The following GABRB2 variants were observed in gnomAD, a reference collection of about 807,000 sequenced individuals.
GABRB2 encodes gamma-aminobutyric acid type A receptor subunit beta2, also known as gamma-aminobutyric acid receptor subunit beta-2.
Under a neutral mutation model 54.7 loss-of-function variants are expected in GABRB2, and 16 were observed. The ratio of observed to expected loss-of-function variants is 0.29; its 90% CI spans 0.20 to 0.44. GABRB2 has a LOEUF of 0.44. Among genes scored for constraint, GABRB2 ranks in the 20% least tolerant of loss-of-function variants. GABRB2 has a pLI of 1.00. For synonymous variants in GABRB2, 244 were observed against 233.8 expected (o/e 1.04, Z -0.40); for missense variants, 355 against 644.0 (o/e 0.55, Z 4.86).
rs144053366 is a variant in GABRB2, at chr5:161,459,797, C to T, written c.285G>A (p.Arg95=). 19 of 1,613,702 alleles carry T rather than the reference C, an allele frequency of 1.2e-5. No homozygotes were observed. In the African/African-American group the frequency reaches 2.0e-4, roughly 17 times the overall value. The change falls in exon 4 of 10, where the codon AGG becomes AGA. Residue 95 remains arginine (R), a synonymous_variant. Coordinates refer to ENST00000393959, the MANE Select transcript of GABRB2 (RefSeq NM_001371727.1). ...MYFQQAWRDK[R]LSYNVIPLNL... is the part of the protein sequence containing the mutation. ...TTAAAGGTATTACATTATAGGACAG[C>T]CTCTTATCTCTCCAGGCTTGTTGAA...
At chr5:161,336,552 C>A (rs1419842450) in intron 6 of GABRB2, 80 bp downstream of exon 6, 4 of 1,488,742 alleles carry the variant, frequency 2.7e-6, no homozygotes, top group Admixed American at 1.9e-5. Flanking sequence ...TTCCCTGGGA[C>A]AGAACTCTAA....
intron 5 of GABRB2, among the ~76,000 whole-genome samples, chr5:161,350,696 G>T (rs1053862736): frequency 2.6e-5 from 4 of 152,052 alleles, no homozygotes; most frequent in African/African-American, 9.7e-5. Flanking sequence ...CTCAATCTGG[G>T]TGGGCACCAT....
At chr5:161,318,362 A>G (rs766808750) in intron 9 of GABRB2, among the ~76,000 whole-genome samples, 9 of 152,010 alleles carry the variant, frequency 5.9e-5, no homozygotes, top group Non-Finnish European at 1.3e-4. Context: ...TATTTTTAGA[A>G]AAATATTTCA....
intron 3 of GABRB2, among the ~76,000 whole-genome samples, chr5:161,471,784 A>C (rs913775735): frequency 2.0e-5 from 3 of 151,990 alleles, no homozygotes; most frequent in Non-Finnish European, 4.4e-5. Context: ...TTAAAAGTGT[A>C]CTTTGTGTAT....
chr5:161,534,712 T>A (rs2113462375), intron 3 of GABRB2, among the ~76,000 whole-genome samples: 1 of 152,258 alleles, frequency 6.6e-6, no homozygotes, highest in South Asian at 2.1e-4. Flanking sequence ...ATAGATGAAT[T>A]AAGTATTCTA....
chr5:161,352,906 C>T (rs1754516857), intron 5 of GABRB2, among the ~76,000 whole-genome samples: 1 of 151,932 alleles, frequency 6.6e-6, no homozygotes, highest in Admixed American at 6.6e-5. Context: ...GTAGAACAAA[C>T]ACAATTTTTG....
intron 5 of GABRB2, among the ~76,000 whole-genome samples, chr5:161,367,759 T>A (rs1245003019): frequency 1.3e-5 from 2 of 152,186 alleles, no homozygotes; most frequent in Non-Finnish European, 2.9e-5. Context: ...TACCACATGT[T>A]CCAAAGTTCA....
chr5:161,498,938 C>T (rs180805974), intron 3 of GABRB2, among the ~76,000 whole-genome samples: 15 of 152,318 alleles, frequency 9.8e-5, no homozygotes, highest in Non-Finnish European at 1.6e-4. Context: ...TAAACCGTCA[C>T]AGCTACGCTT....
chr5:161,468,155 T>C (rs147961243), intron 3 of GABRB2, among the ~76,000 whole-genome samples: 12 of 152,206 alleles, frequency 7.9e-5, no homozygotes, highest in Admixed American at 1.3e-4. Context: ...GGCTAACCCT[T>C]GCTCCTACAG....
chr5:161,517,889 C>T (rs770308486), intron 3 of GABRB2, among the ~76,000 whole-genome samples: 8 of 152,062 alleles, frequency 5.3e-5, no homozygotes, highest in Middle Eastern at 6.8e-3. Flanking sequence ...CTCTGCCTCC[C>T]GGGTTCACAC....
chr5:161,419,886 C>G (rs1278473100), intron 4 of GABRB2, among the ~76,000 whole-genome samples: 2 of 151,960 alleles, frequency 1.3e-5, no homozygotes, highest in Non-Finnish European at 2.9e-5. Context: ...GTAATGGGTA[C>G]CCTAGAAGCC....
chr5:161,530,429 A>C (rs756947461), intron 3 of GABRB2, among the ~76,000 whole-genome samples: 12 of 152,140 alleles, frequency 7.9e-5, no homozygotes, highest in Admixed American at 3.9e-4. Flanking sequence ...GGCCCATTAA[A>C]TAGACAGGAA....
rs889047940 is a variant in GABRB2, at chr5:161,330,795, C to T, written c.1077+88G>A. Reference sequence around the variant, plus strand: ...CATTCTCTTCCCTGGGCTTGGTTTCCTCATTTGCTCAACAAGGTCATCAAC... The same window carrying T: ...CATTCTCTTCCCTGGGCTTGGTTTCTTCATTTGCTCAACAAGGTCATCAAC... On this transcript the variant is annotated intron_variant, in intron 8 of 9. Coordinates refer to ENST00000393959, the MANE Select transcript of GABRB2 (RefSeq NM_001371727.1). 3.2e-6 allele frequency: 5 copies of T among 1,559,694 alleles called. No homozygotes were observed. The African/African-American group carries it at 5.5e-5, about 17-fold the overall frequency.
At chr5:161,539,736 C>T (rs1652556600) in intron 3 of GABRB2, among the ~76,000 whole-genome samples, 1 of 152,136 alleles carries the variant, frequency 6.6e-6, no homozygotes, top group African/African-American at 2.4e-5. Context: ...ATACTGCTGG[C>T]TCAGTTCCAG....
chr5:161,375,266 G>A (rs1452872340), intron 5 of GABRB2, among the ~76,000 whole-genome samples: 1 of 152,162 alleles, frequency 6.6e-6, no homozygotes. Flanking sequence ...CAAAGAATTG[G>A]CCAGGGGACT....
intron 9 of GABRB2, among the ~76,000 whole-genome samples, chr5:161,295,957 A>G (rs1301965952): frequency 5.3e-5 from 8 of 152,214 alleles, no homozygotes; most frequent in African/African-American, 1.9e-4. Context: ...GGCTTTAATG[A>G]GGGCTTCCTT....
chr5:161,327,095 G>T, intron 8 of GABRB2: 1 of 427,326 alleles, frequency 2.3e-6, no homozygotes, highest in Non-Finnish European at 3.1e-6. Context: ...GAATGCAAGG[G>T]AAAATAGGAA....
chr5:161,291,784 A>C lies in GABRB2; in HGVS notation c.*2297T>G, dbSNP rs1477204304. 6.6e-6 allele frequency: 1 copy of C among 152,510 alleles called. No homozygotes were observed. The highest frequency in any genetic ancestry group is 1.5e-5 in the Non-Finnish European group (1 of 68,000). 9.4% of individuals were successfully genotyped at this position (152,510 alleles called of 1,614,324 possible). On this transcript the variant is annotated 3_prime_UTR_variant, in exon 10 of 10. Transcript: ENST00000393959. ...ATTGCACATAAGAGCCCACTTCTAC[A>C]CTTGGGCTCTGAGTTGACTCTAGAA...
chr5:161,363,210 G>T (rs1258743086), intron 5 of GABRB2, among the ~76,000 whole-genome samples: 2 of 152,172 alleles, frequency 1.3e-5, no homozygotes, highest in Non-Finnish European at 2.9e-5. Flanking sequence ...AAAAAAGGAT[G>T]AGTTCATGTC....
Sources: gnomAD v4.1 joint callset for allele counts (sites outside exome capture counted in the v4.1 genomes callset) on GRCh38, gnomAD v4.1.1 for gene constraint, MANE v1.5 for transcripts, NCBI Gene and HGNC (gene_info 2026-07-23, HGNC 2026-07-21) for gene names.